The following DPH5 variants were observed in gnomAD, a reference collection of about 807,000 sequenced individuals.
DPH5 encodes the protein diphthine methyl ester synthase.
Under a neutral mutation model 31.6 loss-of-function variants are expected in DPH5, and 31 were observed. The ratio of observed to expected loss-of-function variants is 0.98; its 90% CI spans 0.74 to 1.32. The LOEUF (loss-of-function observed/expected upper bound fraction) is 1.32, where lower values mean the gene tolerates loss of function less well. Among genes scored for constraint, DPH5 ranks in the 40% most tolerant of loss-of-function variants. The pLI, the probability that DPH5 is intolerant of heterozygous loss-of-function variation, is 0.00. For synonymous variants in DPH5, 120 were observed against 115.0 expected (o/e 1.04, Z -0.28); for missense variants, 309 against 335.7 (o/e 0.92, Z 0.62).
rs1658246389 is a variant in DPH5 at position 100,995,292 on chromosome 1, T to C, written c.491-143A>G. On this transcript the variant is annotated intron_variant, in intron 5 of 7. Transcript: ENST00000370109. ...AATTAGCCACTTTCTTACAGTAACA[T>C]AGAGAAGAATGGAAGCTTGTGGTTG... is the stretch of plus-strand genomic sequence containing the variant. 5.6e-6 allele frequency: 3 copies of C among 539,868 alleles called. No individual in the cohort carries two copies. In the South Asian group the frequency reaches 6.7e-5, roughly 12 times the overall value. 33.4% of individuals were successfully genotyped at this position (539,868 alleles called of 1,614,324 possible).
intron 3 of DPH5, among the ~76,000 whole-genome samples, chr1:101,019,473 AC>A (rs1171494161): frequency 6.6e-6 from 1 of 152,202 alleles, no homozygotes; most frequent in Non-Finnish European, 1.5e-5. Flanking sequence ...TTTTAAAAGT[AC>A]TGAAAAAAAG....
intron 4 of DPH5, among the ~76,000 whole-genome samples, chr1:101,002,298 C>T (rs1050900280): frequency 2.0e-5 from 3 of 152,186 alleles, no homozygotes; most frequent in African/African-American, 4.8e-5. Flanking sequence ...AACTAGCTCA[C>T]TTAAGTGAGT....
intron 3 of DPH5, among the ~76,000 whole-genome samples, chr1:101,020,239 C>G (rs1253247747): frequency 1.3e-4 from 20 of 152,164 alleles, no homozygotes. Flanking sequence ...AGACCCAGCG[C>G]AAGTTCCAGC....
At chr1:100,999,920 G>A (rs556587995) in intron 5 of DPH5, among the ~76,000 whole-genome samples, 1 of 152,064 alleles carries the variant, frequency 6.6e-6, no homozygotes, top group South Asian at 2.1e-4. Flanking sequence ...CGAGGCGGGT[G>A]GATCATGAGG....
chr1:101,004,170 CTG>C (rs1342820111), intron 4 of DPH5, among the ~76,000 whole-genome samples: 5 of 152,188 alleles, frequency 3.3e-5, no homozygotes, highest in Non-Finnish European at 5.9e-5. Flanking sequence ...GATTTATAAA[CTG>C]TAACCACTCC....
At position 100,995,134 on chromosome 1, in the gene DPH5, TC is replaced by T. The variant is rs781315766; in HGVS notation, c.505del (p.Glu169SerfsTer7). The stretch of plus-strand genomic sequence containing the variant: ...CTTGATTAGATTTTCCAAAGACTGC[TC>T]CTTTACTTTGATGTCTGTAGGAAGT... ...TLCLLDIKVK[E>X]QSLENLIKGR... On this transcript the variant is annotated frameshift_variant, in exon 6 of 8. Coordinates refer to ENST00000370109, the MANE Select transcript of DPH5 (RefSeq NM_015958.3). LOFTEE classifies it high-confidence loss of function. The T allele has an allele frequency of 7.0e-6, 11 of 1,578,836 alleles. No individual in the cohort carries two copies. The highest frequency in any genetic ancestry group is 9.6e-6 in the Non-Finnish European group (11 of 1,149,232).
intron 4 of DPH5, among the ~76,000 whole-genome samples, chr1:101,007,407 C>T (rs1194948969): frequency 6.6e-6 from 1 of 152,106 alleles, no homozygotes; most frequent in Non-Finnish European, 1.5e-5. Flanking sequence ...AAATGTTAAA[C>T]TCAAGAATTC....
At chr1:101,022,805 CCTACCTTCT>C (rs914817241) in intron 2 of DPH5, 1 of 152,196 alleles carries the variant, frequency 6.6e-6, no homozygotes, top group Non-Finnish European at 1.5e-5. Flanking sequence ...TTGCTTGAAT[CCTACCTTCT>C]CTGTAGGTGT....
At chr1:101,001,305 T>A (rs956569742) in intron 5 of DPH5, among the ~76,000 whole-genome samples, 162 bp downstream of exon 5, 1 of 152,222 alleles carries the variant, frequency 6.6e-6, no homozygotes. Flanking sequence ...AGAAGATGCG[T>A]GTCTCTCTAA....
chr1:100,990,501 T>C lies in DPH5; in HGVS notation c.765A>G (p.Thr255=). 6.2e-7 allele frequency: 1 copy of C among 1,614,184 alleles called. No individual in the cohort carries two copies. Among genetic ancestry groups the C allele is most frequent in the South Asian group, 1.1e-5 (1 of 91,090 alleles). Residue 255 remains threonine (T), a synonymous_variant, in exon 8 of 8, where the codon ACA becomes ACG. Transcript: ENST00000370109. ...LGEPLHSLII[T]GGSIHPMEME... ...TCTCCATTGGATGTATGCTGCCTCC[T>C]GTGATGATCAAGGAATGCAATGGTT...
intron 3 of DPH5, among the ~76,000 whole-genome samples, chr1:101,016,922 G>T (rs1411357526): frequency 2.0e-5 from 3 of 152,200 alleles, no homozygotes; most frequent in Non-Finnish European, 2.9e-5. Flanking sequence ...TTGGGGGAAT[G>T]GCTGGTTGGT....
In DPH5 at chr1:101,003,989, C is replaced by T. The variant is rs186124041; in HGVS notation, c.370-2402G>A. Among the ~76,000 whole-genome samples the T allele has an allele frequency of 1.8e-3, 270 of 152,212 alleles. 1 individual carries two copies. Among genetic ancestry groups the T allele is most frequent in the African/African-American group, 6.2e-3 (259 of 41,548 alleles). Reference sequence around the variant, plus strand: ...ACTTTAAGAGTCATGGGAATACAGTCATGGAAGGAAATAAGTTCTTCATTC... The same window carrying T: ...ACTTTAAGAGTCATGGGAATACAGTTATGGAAGGAAATAAGTTCTTCATTC... On this transcript the variant is annotated intron_variant, in intron 4 of 7. Coordinates refer to ENST00000370109, the MANE Select transcript of DPH5 (RefSeq NM_015958.3).
chr1:100,992,316 G>A (rs569696640), intron 7 of DPH5, among the ~76,000 whole-genome samples: 100 of 152,024 alleles, frequency 6.6e-4, no homozygotes, highest in African/African-American at 2.4e-3. Flanking sequence ...ATTGATTAGG[G>A]ATAACATAAT....
intron 4 of DPH5, among the ~76,000 whole-genome samples, chr1:101,010,326 G>T (rs765327051): frequency 5.9e-5 from 9 of 152,232 alleles, no homozygotes; most frequent in Non-Finnish European, 1.0e-4. Context: ...TTATTTTATG[G>T]CAAGTCTGTA....
intron 2 of DPH5, among the ~76,000 whole-genome samples, chr1:101,022,041 T>C (rs1023076193): frequency 3.3e-5 from 5 of 152,226 alleles, no homozygotes; most frequent in African/African-American, 1.2e-4. Flanking sequence ...TAAATTTATT[T>C]CTAAATTTGG....
At chr1:101,010,439 T>A (rs905002018) in intron 4 of DPH5, among the ~76,000 whole-genome samples, 1 of 152,268 alleles carries the variant, frequency 6.6e-6, no homozygotes, top group African/African-American at 2.4e-5. Flanking sequence ...TAAACAAAAA[T>A]TTTCTGTTGG....
intron 5 of DPH5, 86 bp downstream of exon 5, chr1:101,001,381 T>C: frequency 7.3e-7 from 1 of 1,377,220 alleles, no homozygotes; most frequent in Non-Finnish European, 1.0e-6. Flanking sequence ...CTCTAGCTAA[T>C]TATCCACAGA....
At chr1:101,015,509 G>C (rs1173097393) in intron 3 of DPH5, among the ~76,000 whole-genome samples, 2 of 152,200 alleles carry the variant, frequency 1.3e-5, no homozygotes, top group Admixed American at 6.5e-5. Context: ...CGCACAGGGA[G>C]AATAGATTTA....
chr1:100,995,201 A>T, intron 5 of DPH5, 52 bp from the exon 6 acceptor site: 1 of 1,314,616 alleles, frequency 7.6e-7, no homozygotes, highest in African/African-American at 1.5e-5. Flanking sequence ...TTTATCCAAA[A>T]CCCTATGTGT....
Sources: allele counts gnomAD v4.1 joint callset (sites outside exome capture counted in the v4.1 genomes callset), GRCh38; gene constraint gnomAD v4.1.1; transcripts MANE v1.5; gene names NCBI Gene and HGNC (gene_info 2026-07-23, HGNC 2026-07-21).